DNAH3: variants seen among roughly 807,000 people sequenced by gnomAD.
The protein encoded by DNAH3 is axonemal beta dynein heavy chain 3.
DNAH3 carries 332 observed loss-of-function variants against 432.5 expected under a neutral mutation model. The observed-to-expected ratio is 0.77, with a 90% CI of 0.70 to 0.84. DNAH3 has a LOEUF of 0.84. DNAH3 is among the 40% of genes least tolerant of loss of function. The pLI is 0.00. For synonymous variants in DNAH3, 1,956 were observed against 1,900.2 expected (o/e 1.03, Z -0.76); for missense variants, 4,861 against 5,114.0 (o/e 0.95, Z 1.51).
chr16:21,086,857 A>G (rs1410428857), exon 19 of DNAH3: 2 of 1,614,000 alleles, frequency 1.2e-6, no homozygotes, highest in African/African-American at 2.7e-5. Flanking sequence ...ACCTGCTGCC[A>G]GTGTCGGTCT....
intron 3 of DNAH3, among the ~76,000 whole-genome samples, chr16:21,141,923 G>C (rs966566160): frequency 1.3e-5 from 2 of 152,054 alleles, no homozygotes; most frequent in African/African-American, 4.8e-5. Flanking sequence ...ATTGCGGCGA[G>C]CGCCTGTAGA....
chr16:21,118,202 T>A (rs556386436), intron 11 of DNAH3, among the ~76,000 whole-genome samples: 1 of 151,864 alleles, frequency 6.6e-6, no homozygotes, highest in South Asian at 2.1e-4. Context: ...TGGCCAGGCT[T>A]GTCTCAAACC....
intron 41 of DNAH3, among the ~76,000 whole-genome samples, chr16:21,009,109 T>C (rs2087459618): frequency 6.6e-6 from 1 of 152,170 alleles, no homozygotes. Flanking sequence ...TAATTCACAA[T>C]GAAAATAATC....
At chr16:21,062,879 G>A in intron 24 of DNAH3, 196 bp from the exon 25 acceptor site, 1 of 578,176 alleles carries the variant, frequency 1.7e-6, no homozygotes, top group Non-Finnish European at 3.1e-6. Context: ...TAAGAGATGA[G>A]GTCTTGCCAT....
chr16:21,136,576 G>C, intron 5 of DNAH3, 63 bp from the exon 7 acceptor site: 1 of 1,488,994 alleles, frequency 6.7e-7, no homozygotes. Flanking sequence ...CAACTGTCCT[G>C]CCCATCAGCT....
intron 57 of DNAH3, among the ~76,000 whole-genome samples, chr16:20,946,757 CCCT>C (rs1389817197): frequency 6.6e-6 from 1 of 151,708 alleles, no homozygotes; most frequent in Non-Finnish European, 1.5e-5. Context: ...CCTTCTCTTT[CCCT>C]CCTTTTACCT....
At chr16:21,087,115 G>T in intron 18 of DNAH3, 55 bp from the exon 19 acceptor site, 1 of 1,419,496 alleles carries the variant, frequency 7.0e-7, no homozygotes, top group Non-Finnish European at 9.9e-7. Flanking sequence ...TTAGTCATGC[G>T]TACCTTTAAT....
chr16:20,938,371 C>T (rs2083673090), intron 59 of DNAH3, among the ~76,000 whole-genome samples: 1 of 147,744 alleles, frequency 6.8e-6, no homozygotes, highest in Non-Finnish European at 1.5e-5. Context: ...GCCTGGGCGA[C>T]AAGAGTGAAA....
At chr16:20,934,870 C>CG (rs1472807416) in intron 61 of DNAH3, among the ~76,000 whole-genome samples, 4 of 152,012 alleles carry the variant, frequency 2.6e-5, no homozygotes, top group African/African-American at 9.7e-5. Flanking sequence ...CAGTTTGTGA[C>CG]CTCTGGACTA....
chr16:20,992,088 T>C (rs951660780), intron 44 of DNAH3, among the ~76,000 whole-genome samples: 14 of 152,340 alleles, frequency 9.2e-5, no homozygotes, highest in African/African-American at 3.1e-4. Context: ...GTTTCCAAGA[T>C]AACGAGTTGG....
chr16:21,134,244 G>T lies in DNAH3; in HGVS notation c.1082+15C>A. On this transcript the variant is annotated intron_variant, in intron 7 of 61. Transcript: ENST00000261383. ...TCAAGAAAGGGAATGAAAAAAAAAG[G>T]GAGGGACTTCTTACTCTGCAAACCA... The T allele has an allele frequency of 6.2e-7, 1 of 1,601,490 alleles. No homozygotes were observed. Among genetic ancestry groups the T allele is most frequent in the Non-Finnish European group, 8.5e-7 (1 of 1,173,998 alleles).
chr16:21,127,718 A>G, exon 8 of DNAH3: 1 of 1,614,138 alleles, frequency 6.2e-7, no homozygotes, highest in Non-Finnish European at 8.5e-7. Flanking sequence ...GCCTCCAGGC[A>G]GTGTTTCTGG....
At chr16:21,070,895 AATTT>A in intron 21 of DNAH3, 69 bp from the exon 22 acceptor site, 1 of 1,032,682 alleles carries the variant, frequency 9.7e-7, no homozygotes, top group Non-Finnish European at 1.5e-6. Flanking sequence ...CTTTTTTAAA[AATTT>A]ATTTATTTGA....
chr16:21,028,090 G>A (rs2088663579), intron 37 of DNAH3, among the ~76,000 whole-genome samples: 1 of 152,074 alleles, frequency 6.6e-6, no homozygotes, highest in Admixed American at 6.6e-5. Flanking sequence ...GGGCTCAAGC[G>A]ATCCTCCCAC....
chr16:21,030,408 A>C (rs773309737), intron 37 of DNAH3, among the ~76,000 whole-genome samples: 130 of 152,146 alleles, frequency 8.5e-4, no homozygotes, highest in Admixed American at 1.7e-3. Flanking sequence ...AGAGAGAAAG[A>C]AAAAGAGAGA....
intron 1 of DNAH3, among the ~76,000 whole-genome samples, chr16:21,151,185 T>G (rs1046739147): frequency 6.6e-6 from 1 of 152,198 alleles, no homozygotes; most frequent in East Asian, 1.9e-4. Flanking sequence ...TCTCTCCAAG[T>G]GTCCTTTCCG....
At chr16:20,971,176 G>C (rs2152638024) in intron 51 of DNAH3, among the ~76,000 whole-genome samples, 1 of 151,946 alleles carries the variant, frequency 6.6e-6, no homozygotes, top group South Asian at 2.1e-4. Flanking sequence ...CCGTACTTCT[G>C]AGTTTCTAAC....
intron 25 of DNAH3, among the ~76,000 whole-genome samples, chr16:21,060,592 T>C (rs948832797): frequency 8.0e-5 from 12 of 149,868 alleles, no homozygotes; most frequent in Non-Finnish European, 1.6e-4. Context: ...TGTCATGATC[T>C]TGGCTCACTG....
chr16:21,030,764 A>G (rs1212018868), intron 37 of DNAH3, among the ~76,000 whole-genome samples: 3 of 152,224 alleles, frequency 2.0e-5, no homozygotes, highest in African/African-American at 7.2e-5. Flanking sequence ...GCTCAGTACA[A>G]CACAGCTCAG....
Sources: allele counts gnomAD v4.1 joint callset (sites outside exome capture counted in the v4.1 genomes callset), GRCh38; gene constraint gnomAD v4.1.1; transcripts MANE v1.5; gene names NCBI Gene and HGNC (gene_info 2026-07-23, HGNC 2026-07-21).